Variants in SLC9B1 observed in about 807,000 individuals in gnomAD.
The protein encoded by SLC9B1 is sodium/hydrogen exchanger 9B1.
In SLC9B1, 32 loss-of-function variants were observed where a neutral mutation model predicts 51.7. That is an observed-to-expected ratio of 0.62 (90% confidence interval 0.47 to 0.83). The LOEUF (loss-of-function observed/expected upper bound fraction) is 0.83, where lower values mean the gene tolerates loss of function less well. Among genes scored for constraint, SLC9B1 ranks in the 40% least tolerant of loss-of-function variants. The probability of loss-of-function intolerance (pLI) is 0.00; values close to 1 mark genes in which losing one functional copy is unlikely to be tolerated. For missense variants in SLC9B1, 406 were observed against 613.2 expected (o/e 0.66, Z 3.57); for synonymous variants, 145 against 212.7 (o/e 0.68, Z 2.77).
At chr4:102,995,741 T>C (rs1441575391) in intron 1 of SLC9B1, among the ~76,000 whole-genome samples, 1 of 152,190 alleles carries the variant, frequency 6.6e-6, no homozygotes, top group Non-Finnish European at 1.5e-5. Context: ...TCTCTTATCT[T>C]TTCATAACTG....
chr4:102,891,604 A>G (rs1269728511), intron 11 of SLC9B1: 2 of 152,226 alleles, frequency 1.3e-5, no homozygotes, highest in African/African-American at 4.8e-5. Context: ...AGTGCTTAAC[A>G]TGTTGGAAAA....
At chr4:102,948,325 T>TACACACACACACACACACAC (rs375091561) in intron 4 of SLC9B1, among the ~76,000 whole-genome samples, 3 of 127,468 alleles carry the variant, frequency 2.4e-5, no homozygotes, top group African/African-American at 9.3e-5. Flanking sequence ...GGCAAAGCCA[T>TACACACACACACACACACAC]ACACACACAC....
intron 1 of SLC9B1, among the ~76,000 whole-genome samples, chr4:102,998,364 A>G (rs72937483): frequency 1.9e-3 from 283 of 152,290 alleles, no homozygotes; most frequent in African/African-American, 6.6e-3. Flanking sequence ...GCATGTACAG[A>G]ATTTCCTTCC....
chr4:103,007,408 AC>A (rs1197334930), intron 1 of SLC9B1, among the ~76,000 whole-genome samples: 3 of 152,300 alleles, frequency 2.0e-5, no homozygotes, highest in Admixed American at 6.5e-5. Flanking sequence ...AATACAGCTA[AC>A]CAGGGAAGTG....
chr4:102,978,447 A>G (rs1005825778), intron 3 of SLC9B1, among the ~76,000 whole-genome samples: 2 of 152,180 alleles, frequency 1.3e-5, no homozygotes, highest in Admixed American at 6.5e-5. Flanking sequence ...AGAATCTACA[A>G]TGAACTCAAA....
At chr4:102,893,300 A>AAAAAAAAAAAAAAAAAAAAAAAG (rs1314502030) in intron 11 of SLC9B1, among the ~76,000 whole-genome samples, 1 of 147,768 alleles carries the variant, frequency 6.8e-6, no homozygotes, top group Non-Finnish European at 1.5e-5. Context: ...AAAAAAAAAA[A>AAAAAAAAAAAAAAAAAAAAAAAG]AAAAAGAAAA....
chr4:102,905,446 A>G lies in SLC9B1; in HGVS notation c.1332+68T>C, dbSNP rs1156387531. Reference sequence around the variant, plus strand: ...GCTCATATTTTGTGACTAGAGTAACATTTTTCATTTTAAATTTTAAAAGCA... The same window carrying G: ...GCTCATATTTTGTGACTAGAGTAACGTTTTTCATTTTAAATTTTAAAAGCA... On this transcript the variant is annotated intron_variant, in intron 11 of 11. Transcript: ENST00000296422. 7 of 1,470,064 alleles carry G rather than the reference A, an allele frequency of 4.8e-6. No individual in the cohort carries two copies. In the East Asian group the frequency reaches 1.4e-4, roughly 29 times the overall value. 91.1% of individuals were successfully genotyped at this position (1,470,064 alleles called of 1,614,324 possible). A position where few individuals can be genotyped will look rare whatever the true frequency, so the allele number is the denominator to read the frequency against.
intron 6 of SLC9B1, among the ~76,000 whole-genome samples, chr4:102,940,751 A>C (rs995840391): frequency 2.0e-5 from 3 of 152,206 alleles, no homozygotes; most frequent in African/African-American, 7.2e-5. Flanking sequence ...ACTAATATCC[A>C]GAATCTATAA....
chr4:102,980,524 T>C (rs903890822), intron 3 of SLC9B1, among the ~76,000 whole-genome samples: 4 of 152,014 alleles, frequency 2.6e-5, no homozygotes, highest in Admixed American at 6.6e-5. Flanking sequence ...TTTTCACTTA[T>C]ATGTGGGAGC....
chr4:102,951,697 C>A (rs6839635), intron 3 of SLC9B1, among the ~76,000 whole-genome samples: 81,861 of 150,154 alleles, frequency 0.55, 22,735 homozygotes, highest in African/African-American at 0.67. Flanking sequence ...CACACACACA[C>A]AAAAAAATGA....
intron 11 of SLC9B1, among the ~76,000 whole-genome samples, chr4:102,894,624 G>GA (rs1326234123): frequency 6.6e-6 from 1 of 151,984 alleles, no homozygotes; most frequent in African/African-American, 2.4e-5. Context: ...AGATCTATAA[G>GA]AAAAAAACTA....
At chr4:102,999,427 T>A (rs1319687822) in intron 1 of SLC9B1, among the ~76,000 whole-genome samples, 1 of 152,252 alleles carries the variant, frequency 6.6e-6, no homozygotes, top group Non-Finnish European at 1.5e-5. Context: ...TTTAATATTT[T>A]TAGTTTTTAT....
chr4:103,011,246 T>C (rs1355906506), intron 1 of SLC9B1, among the ~76,000 whole-genome samples: 2 of 152,168 alleles, frequency 1.3e-5, no homozygotes, highest in Admixed American at 6.5e-5. Context: ...GCAAACAACA[T>C]TAAATCTTGA....
intron 7 of SLC9B1, among the ~76,000 whole-genome samples, chr4:102,915,777 T>C (rs1443398154): frequency 6.6e-6 from 1 of 152,216 alleles, no homozygotes; most frequent in East Asian, 1.9e-4. Flanking sequence ...AAAATATATA[T>C]TGTGTGACAC....
chr4:102,987,199 T>C (rs945067300), intron 3 of SLC9B1, among the ~76,000 whole-genome samples: 1 of 152,144 alleles, frequency 6.6e-6, no homozygotes, highest in Non-Finnish European at 1.5e-5. Context: ...CAAAAAATGC[T>C]TTTCTGGTTT....
chr4:102,950,532 T>A (rs1187389210), intron 3 of SLC9B1, among the ~76,000 whole-genome samples: 1 of 152,212 alleles, frequency 6.6e-6, no homozygotes, highest in African/African-American at 2.4e-5. Flanking sequence ...TTTATATGCA[T>A]TTTTTAGCTA....
At chr4:103,006,832 A>G (rs576240884) in intron 1 of SLC9B1, among the ~76,000 whole-genome samples, 7 of 152,384 alleles carry the variant, frequency 4.6e-5, no homozygotes, top group Non-Finnish European at 1.0e-4. Flanking sequence ...TTGGTTCAAC[A>G]TATGTACCAA....
At chr4:102,919,530 A>C (rs1735755354) in intron 7 of SLC9B1, among the ~76,000 whole-genome samples, 2 of 152,166 alleles carry the variant, frequency 1.3e-5, no homozygotes, top group Admixed American at 1.3e-4. Context: ...CAACTGAGGT[A>C]CCTGGTTCAT....
intron 6 of SLC9B1, among the ~76,000 whole-genome samples, chr4:102,934,207 G>A (rs530366120): frequency 6.6e-6 from 1 of 152,310 alleles, no homozygotes; most frequent in Non-Finnish European, 1.5e-5. Context: ...TAAGATCTTA[G>A]AACAAAAGAT....
Sources: allele counts gnomAD v4.1 joint callset (sites outside exome capture counted in the v4.1 genomes callset), GRCh38; gene constraint gnomAD v4.1.1; transcripts MANE v1.5; gene names NCBI Gene and HGNC (gene_info 2026-07-23, HGNC 2026-07-21).